Variants in DNAH5 observed in about 807,000 individuals in gnomAD.
DNAH5 encodes axonemal beta dynein heavy chain 5.
DNAH5 carries 372 observed loss-of-function variants against 518.2 expected under a neutral mutation model. The observed-to-expected ratio is 0.72, with a 90% CI of 0.66 to 0.78. The LOEUF (loss-of-function observed/expected upper bound fraction) is 0.78, where lower values mean the gene tolerates loss of function less well. Among genes scored for constraint, DNAH5 ranks in the 30% least tolerant of loss-of-function variants. The pLI, the probability that DNAH5 is intolerant of heterozygous loss-of-function variation, is 0.00. For missense variants in DNAH5, 5,523 were observed against 5,687.0 expected, an observed-to-expected ratio of 0.97 and a Z score of 0.93; for synonymous variants, 2,039 against 2,025.9, an observed-to-expected ratio of 1.01 and a Z score of -0.17.
rs577862328 is a variant in DNAH5, at chr5:13,870,851, T to A, written c.3750A>T (p.Leu1250=). The A allele has an allele frequency of 1.9e-6, 3 of 1,613,914 alleles. No individual in the cohort carries two copies. The highest frequency in any genetic ancestry group is 2.5e-6 in the Non-Finnish European group (3 of 1,179,860). Residue 1250 remains leucine (L), a synonymous_variant, in exon 24 of 79, where the codon CTA becomes CTT. Coordinates refer to ENST00000265104, the MANE Select transcript of DNAH5 (RefSeq NM_001369.3). ...NKKLNRPIKD[L]DDIRIAMAAL... ...CTGCCATTGCAATCCGAATATCATC[T>A]AGGTCCTTAATTGGACGATTTAGTT...
At chr5:13,792,330 A>G (rs1030120318) in intron 49 of DNAH5, 113 bp from the exon 50 acceptor site, 3 of 808,898 alleles carry the variant, frequency 3.7e-6, no homozygotes, top group Non-Finnish European at 4.1e-6. Context: ...TTTAATAGAT[A>G]ATCACATATA....
intron 1 of DNAH5, among the ~76,000 whole-genome samples, chr5:14,010,089 T>C (rs1387113941): frequency 6.6e-6 from 1 of 152,214 alleles, no homozygotes; most frequent in Non-Finnish European, 1.5e-5. Flanking sequence ...CGTTTTTATT[T>C]TCATAAAATT....
At chr5:13,907,677 A>C (rs1266513156) in intron 12 of DNAH5, among the ~76,000 whole-genome samples, 1 of 152,132 alleles carries the variant, frequency 6.6e-6, no homozygotes, top group South Asian at 2.1e-4. Context: ...CCCTCCCCCC[A>C]AAAAAATTGC....
At chr5:13,979,898 T>C (rs1042424235) in intron 1 of DNAH5, among the ~76,000 whole-genome samples, 6 of 149,950 alleles carry the variant, frequency 4.0e-5, no homozygotes, top group Admixed American at 6.7e-5. Flanking sequence ...TGGAGTGCAG[T>C]GGAGCAATTT....
chr5:13,776,947 C>G (rs746855878), intron 54 of DNAH5, among the ~76,000 whole-genome samples: 20 of 152,176 alleles, frequency 1.3e-4, no homozygotes, highest in Non-Finnish European at 2.2e-4. Context: ...AATTAGCTTT[C>G]TTTCTAACTT....
chr5:13,761,684 C>T (rs1751808524), intron 60 of DNAH5, among the ~76,000 whole-genome samples: 1 of 151,736 alleles, frequency 6.6e-6, no homozygotes, highest in Non-Finnish European at 1.5e-5. Context: ...GGTTCTAATT[C>T]AGTCAATATC....
intron 42 of DNAH5, 34 bp from the exon 43 acceptor site, chr5:13,814,880 C>T (rs1162317543): frequency 7.5e-6 from 12 of 1,604,684 alleles, no homozygotes; most frequent in Non-Finnish European, 1.0e-5. Flanking sequence ...AAAAAAAATA[C>T]ATACACTCAT....
At chr5:13,983,686 T>C (rs1217823723) in intron 1 of DNAH5, among the ~76,000 whole-genome samples, 2 of 152,316 alleles carry the variant, frequency 1.3e-5, no homozygotes, top group South Asian at 2.1e-4. Context: ...CCAGGCTTCC[T>C]GGAGGACACT....
rs781567141 is a variant in DNAH5 at position 13,931,112 on chromosome 5, G to C, written c.190C>G (p.Gln64Glu). 2.5e-6 allele frequency: 4 copies of C among 1,614,080 alleles called. No individual in the cohort carries two copies. Among genetic ancestry groups the C allele is most frequent in the Non-Finnish European group, 3.4e-6 (4 of 1,179,958 alleles). The change falls in exon 2 of 79, where the codon CAG (glutamine) becomes GAG (glutamate). Residue 64 changes from glutamine (Q) to glutamate (E), a missense_variant and splice_region_variant. Around this residue, in one of 3 missense-constraint regions of DNAH5, gnomAD observed 5,121 missense variants for 5,223.3 expected, o/e 0.98. Coordinates refer to ENST00000265104, the MANE Select transcript of DNAH5 (RefSeq NM_001369.3). Reference protein sequence around the residue: ...EVEDAILEGNQIERIDQLFAV... With the variant: ...EVEDAILEGNEIERIDQLFAV... ...GTGAGAAGTGAAACGCATCCCACCT[G>C]ATTCCCTTCAAGAATGGCATCCTCC... is the stretch of plus-strand genomic sequence containing the variant.
Position 13,830,161 on chromosome 5 carries a change from A to T in DNAH5, c.6114T>A (p.Asp2038Glu), listed in dbSNP as rs772306307. 27 of 1,614,040 alleles carry T rather than the reference A, an allele frequency of 1.7e-5. No homozygotes were observed. The highest frequency in any genetic ancestry group is 2.7e-5 in the African/African-American group (2 of 74,946). Residue 2038 changes from aspartate to glutamate, a missense_variant, in exon 37 of 79, where the codon GAT becomes GAA. Asp to Glu is a conservative substitution (Grantham distance 45). This residue lies in a region of DNAH5 where 5,121 missense variants were observed against 5,223.3 expected (regional missense o/e 0.98). Coordinates refer to ENST00000265104, the MANE Select transcript of DNAH5 (RefSeq NM_001369.3). ...GGGCTGCAACCGAGAGAACTGGTAG[A>T]TCAATACGGTTAAATTCATCAAAAC... The part of the protein sequence containing the change: ...WGCFDEFNRI[D>E]LPVLSVAAQQ...
At chr5:13,758,799 A>C in intron 61 of DNAH5, 47 bp downstream of exon 61, 2 of 1,613,700 alleles carry the variant, frequency 1.2e-6, no homozygotes, top group Non-Finnish European at 1.7e-6. Context: ...TGGAGAGAGA[A>C]GCCGTGTAGA....
rs1265971755 is a variant in DNAH5, at chr5:13,691,462, T to G, written c.*522A>C. ...TTACATAAATTTTCTATTTACATTC[T>G]TAATCCATTCTTCTATTTCCTTCTA... On this transcript the variant is annotated 3_prime_UTR_variant, in exon 79 of 79. Coordinates refer to ENST00000265104, the MANE Select transcript of DNAH5 (RefSeq NM_001369.3). 6.5e-6 allele frequency: 1 copy of G among 154,366 alleles called. No individual in the cohort carries two copies. The highest frequency in any genetic ancestry group is 1.4e-5 in the Non-Finnish European group (1 of 69,444). 9.6% of individuals were successfully genotyped at this position (154,366 alleles called of 1,614,324 possible). A position where few individuals can be genotyped will look rare whatever the true frequency, so the allele number is the denominator to read the frequency against.
In DNAH5 at chr5:13,691,880, T is replaced by C. The variant is rs1316512219; in HGVS notation, c.*104A>G. The C allele has an allele frequency of 6.9e-7, 1 of 1,445,192 alleles. No individual in the cohort carries two copies. The highest frequency in any genetic ancestry group is 9.6e-7 in the Non-Finnish European group (1 of 1,036,862). The allele number at this position is 1,445,192 out of a possible 1,614,324, so 89.5% of individuals were successfully genotyped here. A position where few individuals can be genotyped will look rare whatever the true frequency, so the allele number is the denominator to read the frequency against. On this transcript the variant is annotated 3_prime_UTR_variant, in exon 79 of 79. Coordinates refer to ENST00000265104, the MANE Select transcript of DNAH5 (RefSeq NM_001369.3). ...AAACCTATGCAGCTCATTAATTGCA[T>C]AAACGACCTAACATACACTGTCCAG...
At chr5:13,890,705 T>A (rs1278434550) in intron 17 of DNAH5, among the ~76,000 whole-genome samples, 4 of 152,214 alleles carry the variant, frequency 2.6e-5, no homozygotes, top group Non-Finnish European at 2.9e-5. Context: ...CTATCCTTCA[T>A]TAAAAAATGG....
chr5:13,926,067 T>A (rs998908609), intron 3 of DNAH5, among the ~76,000 whole-genome samples: 1 of 152,098 alleles, frequency 6.6e-6, no homozygotes, highest in Non-Finnish European at 1.5e-5. Flanking sequence ...ATAAGGCAGA[T>A]AGAGAGAAAC....
chr5:13,841,942 T>G, intron 32 of DNAH5, 38 bp from the exon 33 acceptor site: 1 of 1,034,136 alleles, frequency 9.7e-7, no homozygotes, highest in Non-Finnish European at 1.5e-6. Flanking sequence ...AAAAAAGCTA[T>G]AGTCATATAA....
intron 43 of DNAH5, among the ~76,000 whole-genome samples, chr5:13,813,076 T>C (rs1760926180): frequency 6.6e-6 from 1 of 152,196 alleles, no homozygotes; most frequent in Non-Finnish European, 1.5e-5. Context: ...CTCTGCCCTC[T>C]AATAACTCTC....
At chr5:14,005,414 A>T (rs1561074415) in intron 1 of DNAH5, among the ~76,000 whole-genome samples, 1 of 152,168 alleles carries the variant, frequency 6.6e-6, no homozygotes, top group Non-Finnish European at 1.5e-5. Context: ...TCATCTCATT[A>T]TCCTCAACAT....
intron 39 of DNAH5, 78 bp downstream of exon 39, chr5:13,824,120 AT>A (rs2151823294): frequency 1.5e-6 from 2 of 1,372,072 alleles, no homozygotes; most frequent in Non-Finnish European, 2.1e-6. Context: ...TTTTAAATAA[AT>A]ATTTTGAAGT....
Sources: allele counts gnomAD v4.1 joint callset (sites outside exome capture counted in the v4.1 genomes callset), GRCh38; gene constraint gnomAD v4.1.1; regional missense constraint gnomAD v4.1.1; transcripts MANE v1.5; gene names NCBI Gene and HGNC (gene_info 2026-07-23, HGNC 2026-07-21).